Variants in MUC5AC observed in about 807,000 individuals in gnomAD.
The protein encoded by MUC5AC is mucin 5AC, oligomeric mucus/gel-forming.
A neutral mutation model predicts 169.7 loss-of-function variants in MUC5AC; 158 were observed. The ratio of observed to expected loss-of-function variants is 0.93; its 90% CI spans 0.82 to 1.06. MUC5AC has a LOEUF of 1.06. Among genes scored for constraint, MUC5AC ranks in the 50% least tolerant of loss-of-function variants. MUC5AC has a pLI of 0.00. For synonymous variants in MUC5AC, 1,975 were observed against 1,237.0 expected, an observed-to-expected ratio of 1.60 and a Z score of -12.52; for missense variants, 4,359 against 3,089.9, an observed-to-expected ratio of 1.41 and a Z score of -9.74.
Position 1,179,216 on chromosome 11 carries a change from T to A in MUC5AC, c.3452T>A (p.Leu1151Gln), listed in dbSNP as rs1860754329. Residue 1151 changes from leucine to glutamine, a missense_variant, in exon 26 of 49, where the codon CTG (leucine) becomes CAG (glutamine). Coordinates refer to ENST00000621226, the MANE Select transcript of MUC5AC (RefSeq NM_001304359.2). ...GCCCAGGCCTGCCATGAAGTAGGCC[T>A]GTGTGTGTCCTGGCGGACCCCGAGC... ...AYAQACHEVGLCVSWRTPSIC... is the reference protein window; with the variant it reads ...AYAQACHEVGQCVSWRTPSIC... The A allele has an allele frequency of 1.5e-6, 1 of 652,518 alleles. No individual in the cohort carries two copies. Among genetic ancestry groups the A allele is most frequent in the Non-Finnish European group, 2.8e-6 (1 of 359,940 alleles). The allele number at this position is 652,518 out of a possible 1,614,324, so 40.4% of individuals were successfully genotyped here. A position where few individuals can be genotyped will look rare whatever the true frequency, so the allele number is the denominator to read the frequency against.
Position 1,197,918 on chromosome 11 carries a change from G to A in MUC5AC, c.16049G>A (p.Arg5350His), listed in dbSNP as rs773501736. The change falls in exon 42 of 49, where the codon CGC becomes CAC. Residue 5350 changes from arginine to histidine, a missense_variant. By Grantham distance (29) the Arg-to-His change is conservative (BLOSUM62 0). Transcript: ENST00000621226. ...GCCCCCGCAGCCTGCAACACCAGCC[G>A]CTGCCCCGCGCCCGTGGGCTGTCCT... Reference protein sequence around the residue: ...PQYSCACNTSRCPAPVGCPEG... With the variant: ...PQYSCACNTSHCPAPVGCPEG... The A allele has an allele frequency of 1.2e-5, 9 of 727,880 alleles. No individual in the cohort carries two copies. The highest frequency in any genetic ancestry group is 3.4e-5 in the African/African-American group (2 of 58,392). The allele number at this position is 727,880 out of a possible 1,614,324, so 45.1% of individuals were successfully genotyped here.
chr11:1,158,103 TC>T, intron 1 of MUC5AC, 31 bp downstream of exon 1: 1 of 1,564,578 alleles, frequency 6.4e-7, no homozygotes, highest in Non-Finnish European at 8.7e-7. Flanking sequence ...GCTCTACTGG[TC>T]CTGGGTGGTG....
At chr11:1,164,568 C>T (rs969137672) in intron 9 of MUC5AC, 36 bp downstream of exon 9, 1 of 1,579,466 alleles carries the variant, frequency 6.3e-7, no homozygotes, top group Admixed American at 1.8e-5. Context: ...CACAGGTGCA[C>T]CCCGACAACT....
At position 1,176,629 on chromosome 11, in the gene MUC5AC, G is replaced by C; in HGVS notation, c.2618G>C (p.Arg873Pro). 2.5e-6 allele frequency: 1 copy of C among 398,762 alleles called. No individual in the cohort carries two copies. The highest frequency in any genetic ancestry group is 4.4e-6 in the Non-Finnish European group (1 of 226,112). 24.7% of individuals were successfully genotyped at this position (398,762 alleles called of 1,614,324 possible). The change falls in exon 21 of 49, where the codon CGG becomes CCG. Residue 873 changes from arginine to proline, a missense_variant. Transcript: ENST00000621226. ...TGCGTGCACAATGAGGCCAGCTACCGGGCCGGCCAGACCATCCGGGTGGGC... is the reference window on the plus strand; with the variant it reads ...TGCGTGCACAATGAGGCCAGCTACCCGGCCGGCCAGACCATCCGGGTGGGC... The part of the protein sequence containing the change: ...CPCVHNEASY[R>P]AGQTIRVGCN...
rs761229771 is a variant in MUC5AC at position 1,194,232 on chromosome 11, G to T, written c.14878G>T (p.Val4960Leu). Residue 4960 changes from valine to leucine, a missense_variant, in exon 34 of 49, where the codon GTG becomes TTG. Physicochemically the swap from Val to Leu is conservative, Grantham distance 32. Transcript: ENST00000621226. ...TGTGCCCGTGTATGGCCACTTCCGC[G>T]TGCTCGTCGACAACTACTTCTGCGG... is the stretch of plus-strand genomic sequence containing the variant. ...QIVPVYGHFR[V>L]LVDNYFCGAE... The T allele has an allele frequency of 2.6e-6, 2 of 764,830 alleles. No individual in the cohort carries two copies. Among genetic ancestry groups the T allele is most frequent in the African/African-American group, 1.7e-5 (1 of 59,140 alleles). The allele number at this position is 764,830 out of a possible 1,614,324, so 47.4% of individuals were successfully genotyped here.
rs1375196837 is a variant in MUC5AC, at chr11:1,185,024, C to G, written c.6879C>G (p.Thr2293=). The stretch of plus-strand genomic sequence containing the variant: ...CCTCTGCTCCTACAACCAGAACAAC[C>G]TCTGCCTCTCCAGCCAGCACAACCT... The part of the protein sequence containing the change: ...RTTSAPTTRT[T]SASPASTTSG... The change falls in exon 31 of 49, where the codon ACC becomes ACG. Residue 2293 remains threonine (T), a synonymous_variant. Transcript: ENST00000621226. The G allele has an allele frequency of 9.9e-6, 5 of 504,672 alleles. No individual in the cohort carries two copies. Among genetic ancestry groups the G allele is most frequent in the African/African-American group, 2.6e-5 (1 of 39,052 alleles). The allele number at this position is 504,672 out of a possible 1,614,324, so 31.3% of individuals were successfully genotyped here.
At chr11:1,172,185 GGCTGGGTGGGACAT>G (rs1333918898) in intron 15 of MUC5AC, among the ~76,000 whole-genome samples, 2 of 152,244 alleles carry the variant, frequency 1.3e-5, no homozygotes, top group Non-Finnish European at 2.9e-5. Flanking sequence ...GGCTGTGAGG[GGCTGGGTGGGACAT>G]GCAGGAAACG....
chr11:1,194,467 C>T lies in MUC5AC; in HGVS notation c.15007-20C>T, dbSNP rs752450119. 3.4e-5 allele frequency: 25 copies of T among 739,184 alleles called. No individual in the cohort carries two copies. Among genetic ancestry groups the T allele is most frequent in the Middle Eastern group, 2.3e-4 (1 of 4,416 alleles). 45.8% of individuals were successfully genotyped at this position (739,184 alleles called of 1,614,324 possible). A position where few individuals can be genotyped will look rare whatever the true frequency, so the allele number is the denominator to read the frequency against. The stretch of plus-strand genomic sequence containing the variant: ...GCCCGCCTGCCTTCTGACTTCCCGT[C>T]GACCACGCCCTGCGTCCAGATCATC... On this transcript the variant is annotated intron_variant, in intron 34 of 48. Transcript: ENST00000621226.
In MUC5AC at chr11:1,197,704, G is replaced by C. The variant is rs796068269; in HGVS notation, c.16033+65G>C. On this transcript the variant is annotated intron_variant, in intron 41 of 48. Coordinates refer to ENST00000621226, the MANE Select transcript of MUC5AC (RefSeq NM_001304359.2). ...AGGTGACCCGGAGCCCACTCGGCCC[G>C]GACTTTGCTGCTGCCTTGGGGCGTG... is the stretch of plus-strand genomic sequence containing the variant. 5 of 642,812 alleles carry C rather than the reference G, an allele frequency of 7.8e-6. No homozygotes were observed. The Admixed American group carries it at 1.1e-4, about 14-fold the overall frequency. The allele number at this position is 642,812 out of a possible 1,614,324, so 39.8% of individuals were successfully genotyped here. A position where few individuals can be genotyped will look rare whatever the true frequency, so the allele number is the denominator to read the frequency against.
Position 1,185,929 on chromosome 11 carries a change from C to T in MUC5AC, c.7784C>T (p.Thr2595Ile). The T allele has an allele frequency of 2.7e-6, 2 of 742,812 alleles. No homozygotes were observed. Among genetic ancestry groups the T allele is most frequent in the Non-Finnish European group, 2.5e-6 (1 of 407,288 alleles). 46.0% of individuals were successfully genotyped at this position (742,812 alleles called of 1,614,324 possible). Reference sequence around the variant, plus strand: ...AGCACAACCTCTGGTCCTGGAACTACTCCCAGTGCTGTTCCCACCACCAGC... The same window carrying T: ...AGCACAACCTCTGGTCCTGGAACTATTCCCAGTGCTGTTCCCACCACCAGC... ...TTSTTSGPGT[T>I]PSAVPTTSIT... Residue 2595 changes from threonine (T) to isoleucine (I), a missense_variant, in exon 31 of 49, where the codon ACT becomes ATT. Transcript: ENST00000621226.
Position 1,161,897 on chromosome 11 carries a change from T to G in MUC5AC, c.212-10T>G, listed in dbSNP as rs1356425036. 1.9e-6 allele frequency: 3 copies of G among 1,609,092 alleles called. No homozygotes were observed. The highest frequency in any genetic ancestry group is 8.5e-7 in the Non-Finnish European group (1 of 1,178,460). On this transcript the variant is annotated splice_polypyrimidine_tract_variant and intron_variant, in intron 3 of 48. Transcript: ENST00000621226. ...CGACGCCCCCAAACACCATGCTGCT[T>G]CCACCGCAGCCTCCAACCCGGCGCA...
chr11:1,198,949 T>C lies in MUC5AC; in HGVS notation c.16249T>C (p.Phe5417Leu). ...GCCGGGTGGCCCCCCATCGGACGCG[T>C]TTGTGGTCAGCTGTGAGACCCAGAT... Reference protein sequence around the residue: ...ELPGGPPSDAFVVSCETQICN... With the variant: ...ELPGGPPSDALVVSCETQICN... The change falls in exon 44 of 49, where the codon TTT becomes CTT. Residue 5417 changes from phenylalanine (F) to leucine (L), a missense_variant. Coordinates refer to ENST00000621226, the MANE Select transcript of MUC5AC (RefSeq NM_001304359.2). 1.3e-6 allele frequency: 1 copy of C among 763,588 alleles called. No homozygotes were observed. Among genetic ancestry groups the C allele is most frequent in the Non-Finnish European group, 2.4e-6 (1 of 417,386 alleles). 47.3% of individuals were successfully genotyped at this position (763,588 alleles called of 1,614,324 possible).
rs1860991827 is a variant in MUC5AC, at chr11:1,187,844, C to T, written c.9699C>T (p.Asp3233=). ...HLRCTWTKWF[D]IDFPSPGPHG... ...GGTGCACCTGGACCAAGTGGTTTGA[C>T]ATAGACTTCCCATCCCCTGGACCCC... Residue 3233 remains aspartate (D), a synonymous_variant, in exon 31 of 49, where the codon GAC becomes GAT. Coordinates refer to ENST00000621226, the MANE Select transcript of MUC5AC (RefSeq NM_001304359.2). The T allele has an allele frequency of 2.0e-5, 15 of 764,528 alleles. No homozygotes were observed. The highest frequency in any genetic ancestry group is 3.4e-5 in the Admixed American group (2 of 59,010). The allele number at this position is 764,528 out of a possible 1,614,324, so 47.4% of individuals were successfully genotyped here.
In MUC5AC at chr11:1,163,052, C is replaced by T; in HGVS notation, c.679+7C>T. 6.2e-7 allele frequency: 1 copy of T among 1,610,880 alleles called. No individual in the cohort carries two copies. Among genetic ancestry groups the T allele is most frequent in the Non-Finnish European group, 8.5e-7 (1 of 1,178,146 alleles). On this transcript the variant is annotated splice_region_variant and intron_variant, in intron 6 of 48. Coordinates refer to ENST00000621226, the MANE Select transcript of MUC5AC (RefSeq NM_001304359.2). The stretch of plus-strand genomic sequence containing the variant: ...AGCGAGCTCCTCTCCCACAGTAAGG[C>T]CCCACATCGCCCTCAGCCCCTTCCT...
intron 12 of MUC5AC, 73 bp downstream of exon 12, chr11:1,168,060 C>A: frequency 7.7e-7 from 1 of 1,302,532 alleles, no homozygotes; most frequent in Non-Finnish European, 1.1e-6. Context: ...CACCTCTGCC[C>A]AAGCCCTTCA....
intron 43 of MUC5AC, 54 bp from the exon 44 acceptor site, chr11:1,198,820 C>T (rs1022836767): frequency 2.2e-5 from 15 of 681,560 alleles, no homozygotes; most frequent in East Asian, 1.9e-4. Context: ...GAGGCAGGGG[C>T]GGGTCTCCCC....
intron 11 of MUC5AC, 94 bp from the exon 12 acceptor site, chr11:1,167,783 T>G: frequency 9.4e-7 from 1 of 1,061,848 alleles, no homozygotes; most frequent in Non-Finnish European, 1.4e-6. Flanking sequence ...GGTTTTCTAG[T>G]GAGGGAGAGG....
At chr11:1,158,926 T>C (rs1860043293) in intron 1 of MUC5AC, among the ~76,000 whole-genome samples, 1 of 152,218 alleles carries the variant, frequency 6.6e-6, no homozygotes, top group Non-Finnish European at 1.5e-5. Context: ...CACCCTCCAC[T>C]GTGGCCTAGT....
chr11:1,186,108 G>C lies in MUC5AC; in HGVS notation c.7963G>C (p.Gly2655Arg). The C allele has an allele frequency of 1.3e-6, 1 of 748,188 alleles. No individual in the cohort carries two copies. The highest frequency in any genetic ancestry group is 1.4e-5 in the South Asian group (1 of 72,152). 46.3% of individuals were successfully genotyped at this position (748,188 alleles called of 1,614,324 possible). The change falls in exon 31 of 49, where the codon GGT (glycine) becomes CGT (arginine). Residue 2655 changes from glycine to arginine, a missense_variant. Physicochemically the swap from Gly to Arg is moderately radical, Grantham distance 125. Coordinates refer to ENST00000621226, the MANE Select transcript of MUC5AC (RefSeq NM_001304359.2). ...TGCTTCTACAACTAGCACAACCTCT[G>C]GTCCTGGAACTACTCCCAGCCCTGT... ...TSASTTSTTS[G>R]PGTTPSPVPT... is the part of the protein sequence containing the mutation.
Sources: gnomAD v4.1 joint callset for allele counts (sites outside exome capture counted in the v4.1 genomes callset) on GRCh38, gnomAD v4.1.1 for gene constraint, MANE v1.5 for transcripts, NCBI Gene and HGNC (gene_info 2026-07-23, HGNC 2026-07-21) for gene names.